The following CPS1 variants were observed in gnomAD, a reference collection of about 807,000 sequenced individuals.
The protein encoded by CPS1 is carbamoyl-phosphate synthase 1, also known as carbamoyl-phosphate synthase [ammonia], mitochondrial.
A neutral mutation model predicts 174.6 loss-of-function variants in CPS1; 109 were observed. That is an observed-to-expected ratio of 0.62 (90% CI 0.53 to 0.73). The LOEUF (loss-of-function observed/expected upper bound fraction) is 0.73. Ranked by LOEUF, CPS1 falls within the 30% of genes least tolerant of loss-of-function variation. The pLI is 0.00. For missense variants in CPS1, 1,689 were observed against 1,821.9 expected, an observed-to-expected ratio of 0.93 and a Z score of 1.33; for synonymous variants, 637 against 632.0, an observed-to-expected ratio of 1.01 and a Z score of -0.12.
At chr2:210,600,910 T>A (rs1698700323) in intron 15 of CPS1, among the ~76,000 whole-genome samples, 198 bp downstream of exon 15, 1 of 151,948 alleles carries the variant, frequency 6.6e-6, no homozygotes, top group Non-Finnish European at 1.5e-5. Context: ...TTTTACTTTA[T>A]GCAAAGAGAA....
intron 21 of CPS1, among the ~76,000 whole-genome samples, chr2:210,626,098 A>G (rs1452657520): frequency 1.3e-5 from 2 of 152,062 alleles, no homozygotes; most frequent in Non-Finnish European, 2.9e-5. Context: ...TGTTTTTATT[A>G]TAGGTCTTTC....
At chr2:210,609,034 G>C (rs1699021892) in intron 19 of CPS1, among the ~76,000 whole-genome samples, 1 of 151,842 alleles carries the variant, frequency 6.6e-6, no homozygotes, top group South Asian at 2.1e-4. Context: ...TAAAAGAAGA[G>C]GCTGGACTAG....
intron 29 of CPS1, among the ~76,000 whole-genome samples, chr2:210,656,223 C>T (rs1700700418): frequency 6.6e-6 from 1 of 152,208 alleles, no homozygotes; most frequent in Non-Finnish European, 1.5e-5. Context: ...GCTTTAGCTT[C>T]CTATCCTGTT....
At chr2:210,577,672 A>AT (rs1697759801) in intron 4 of CPS1, among the ~76,000 whole-genome samples, 162 bp downstream of exon 4, 1 of 152,152 alleles carries the variant, frequency 6.6e-6, no homozygotes, top group Non-Finnish European at 1.5e-5. Flanking sequence ...AAATGTCTGA[A>AT]TTCCTCCTTA....
At chr2:210,664,933 A>G (rs565720873) in intron 33 of CPS1, among the ~76,000 whole-genome samples, 1 of 152,342 alleles carries the variant, frequency 6.6e-6, no homozygotes, top group African/African-American at 2.4e-5. Flanking sequence ...AGGATTAAAT[A>G]AACATTCAGC....
intron 6 of CPS1, among the ~76,000 whole-genome samples, 180 bp from the exon 7 acceptor site, chr2:210,587,878 G>A (rs1025015681): frequency 2.0e-5 from 3 of 150,620 alleles, no homozygotes; most frequent in African/African-American, 7.3e-5. Context: ...AAAAGATACA[G>A]TCTGTGGCAC....
At chr2:210,605,946 G>C (rs979209125) in intron 17 of CPS1, among the ~76,000 whole-genome samples, 1 of 151,856 alleles carries the variant, frequency 6.6e-6, no homozygotes, top group Non-Finnish European at 1.5e-5. Context: ...TACTGTTGAA[G>C]ATAGAAGGGG....
At chr2:210,491,612 C>T (rs1394591030) in intron 1 of CPS1, among the ~76,000 whole-genome samples, 3 of 152,130 alleles carry the variant, frequency 2.0e-5, no homozygotes, top group Non-Finnish European at 4.4e-5. Context: ...CGCACCTGGA[C>T]ATGTTTGTTT....
chr2:210,634,424 C>T (rs1339447582), intron 21 of CPS1, among the ~76,000 whole-genome samples: 3 of 151,610 alleles, frequency 2.0e-5, no homozygotes, highest in South Asian at 2.1e-4. Context: ...AGCGAGACTC[C>T]GTCTCAAAAG....
chr2:210,480,664 G>A (rs754000863), intron 1 of CPS1, among the ~76,000 whole-genome samples: 24 of 151,920 alleles, frequency 1.6e-4, no homozygotes, highest in Non-Finnish European at 2.9e-4. Flanking sequence ...ACACATATAC[G>A]CACACAGACA....
At chr2:210,482,657 TGAGAGA>T (rs1405285901) in intron 1 of CPS1, among the ~76,000 whole-genome samples, 1 of 115,520 alleles carries the variant, frequency 8.7e-6, no homozygotes, top group Non-Finnish European at 1.8e-5. Flanking sequence ...CATATGCTGG[TGAGAGA>T]GAGAGAGAGA....
intron 1 of CPS1, among the ~76,000 whole-genome samples, chr2:210,516,824 A>C (rs1229659326): frequency 6.6e-6 from 1 of 151,930 alleles, no homozygotes; most frequent in East Asian, 1.9e-4. Flanking sequence ...CTTTTAAATG[A>C]TAGACCCCAG....
At chr2:210,635,722 A>C (rs930657356) in intron 21 of CPS1, among the ~76,000 whole-genome samples, 7 of 152,230 alleles carry the variant, frequency 4.6e-5, no homozygotes, top group African/African-American at 1.7e-4. Flanking sequence ...AGGAAAATGC[A>C]TTGCTCTGAG....
At chr2:210,589,472 G>T (rs1698214521) in intron 7 of CPS1, among the ~76,000 whole-genome samples, 1 of 151,958 alleles carries the variant, frequency 6.6e-6, no homozygotes, top group African/African-American at 2.4e-5. Context: ...GACTGAAAAA[G>T]GTCTGACGTG....
intron 10 of CPS1, 135 bp downstream of exon 10, chr2:210,592,104 C>G: frequency 1.0e-6 from 1 of 999,888 alleles, no homozygotes; most frequent in South Asian, 1.6e-5. Context: ...ATGTAATGAT[C>G]AAATCACACT....
chr2:210,642,712 T>TAAA, intron 25 of CPS1, 47 bp downstream of exon 25: 1 of 1,527,088 alleles, frequency 6.5e-7, no homozygotes, highest in Non-Finnish European at 9.0e-7. Flanking sequence ...GACAGATATA[T>TAAA]GTAGTATACA....
At chr2:210,614,992 C>A (rs889816601) in intron 20 of CPS1, among the ~76,000 whole-genome samples, 1 of 151,680 alleles carries the variant, frequency 6.6e-6, no homozygotes, top group Admixed American at 6.6e-5. Flanking sequence ...ATGTAACAAA[C>A]CTGCACGTCC....
intron 33 of CPS1, among the ~76,000 whole-genome samples, chr2:210,666,306 G>A (rs1365812729): frequency 1.3e-5 from 2 of 149,192 alleles, no homozygotes; most frequent in African/African-American, 4.9e-5. Context: ...AGTTTCTTTT[G>A]CTGTGCAGAA....
intron 8 of CPS1, 92 bp downstream of exon 8, chr2:210,590,326 C>T: frequency 6.3e-7 from 1 of 1,580,986 alleles, no homozygotes; most frequent in African/African-American, 1.3e-5. Flanking sequence ...TTTATTTATT[C>T]AGGCATTTTT....
Sources: allele counts gnomAD v4.1 joint callset (sites outside exome capture counted in the v4.1 genomes callset), GRCh38; gene constraint gnomAD v4.1.1; transcripts MANE v1.5; gene names NCBI Gene and HGNC (gene_info 2026-07-23, HGNC 2026-07-21).